Variants in ARPC1B observed in about 807,000 individuals in gnomAD.
The protein encoded by ARPC1B is actin-related protein 2/3 complex subunit 1B.
ARPC1B carries 29 observed loss-of-function variants against 46.0 expected under a neutral mutation model. The ratio of observed to expected loss-of-function variants is 0.63; its 90% CI spans 0.47 to 0.86. The LOEUF (loss-of-function observed/expected upper bound fraction) is 0.86. ARPC1B is among the 40% of genes least tolerant of loss of function. ARPC1B has a pLI of 0.00. For missense variants in ARPC1B, 469 were observed against 529.4 expected, an observed-to-expected ratio of 0.89 and a Z score of 1.12; for synonymous variants, 201 against 213.9, an observed-to-expected ratio of 0.94 and a Z score of 0.53.
At chr7:99,383,204 G>C (rs1794281726) in intron 1 of ARPC1B, among the ~76,000 whole-genome samples, 1 of 152,038 alleles carries the variant, frequency 6.6e-6, no homozygotes, top group Non-Finnish European at 1.5e-5. Flanking sequence ...GCGTGAGCCT[G>C]TAGTCCCAGC....
At chr7:99,382,599 C>A (rs904028770) in intron 1 of ARPC1B, among the ~76,000 whole-genome samples, 5 of 151,584 alleles carry the variant, frequency 3.3e-5, no homozygotes, top group African/African-American at 1.2e-4. Flanking sequence ...TTCCTGAATA[C>A]CTAAGAATAC....
Position 99,385,702 on chromosome 7 carries a change from G to A in ARPC1B, c.-13G>A, listed in dbSNP as rs557327907. The A allele has an allele frequency of 2.5e-6, 4 of 1,607,002 alleles. No individual in the cohort carries two copies. The highest frequency in any genetic ancestry group is 2.7e-5 in the African/African-American group (2 of 74,986). Reference sequence around the variant, plus strand: ...TTCTCTCTTCCTCTCTCGGGCACAGGAGCCAAGCCGCCATGGCCTACCACA... The same window carrying A: ...TTCTCTCTTCCTCTCTCGGGCACAGAAGCCAAGCCGCCATGGCCTACCACA... On this transcript the variant is annotated splice_region_variant and 5_prime_UTR_variant, in exon 2 of 10. Coordinates refer to ENST00000646101, the MANE Select transcript of ARPC1B (RefSeq NM_005720.4).
intron 1 of ARPC1B, chr7:99,376,535 C>T (rs570483090): frequency 3.0e-4 from 45 of 152,316 alleles, no homozygotes; most frequent in African/African-American, 1.1e-3. Flanking sequence ...CAAATCGTTG[C>T]TTTTGTCTGA....
intron 5 of ARPC1B, 36 bp downstream of exon 5, chr7:99,390,048 C>T (rs748658823): frequency 3.6e-5 from 56 of 1,557,838 alleles, no homozygotes; most frequent in Non-Finnish European, 4.0e-5. Context: ...GCGGGGCTGA[C>T]GTCAACTGAC....
rs560134246 is a variant in ARPC1B, at chr7:99,386,870, C to T, written c.169+81C>T. ...TGGTGCAAGGCAGGGCATGGCCACT[C>T]ATTGTGGAGCATCTGCCCACTCACC... On this transcript the variant is annotated intron_variant, in intron 3 of 9. Coordinates refer to ENST00000646101, the MANE Select transcript of ARPC1B (RefSeq NM_005720.4). The T allele has an allele frequency of 3.2e-5, 32 of 1,008,422 alleles. No individual in the cohort carries two copies. The African/African-American group carries it at 4.2e-4, about 13-fold the overall frequency. 62.5% of individuals were successfully genotyped at this position (1,008,422 alleles called of 1,614,324 possible).
chr7:99,377,629 CTTCTTT>C (rs1292833912), intron 1 of ARPC1B, among the ~76,000 whole-genome samples: 7 of 148,216 alleles, frequency 4.7e-5, no homozygotes, highest in Admixed American at 2.1e-4. Flanking sequence ...TCTTCTTCTT[CTTCTTT>C]TTTTTTTTTA....
chr7:99,378,296 C>T (rs1794090312), intron 1 of ARPC1B, among the ~76,000 whole-genome samples: 1 of 151,450 alleles, frequency 6.6e-6, no homozygotes, highest in African/African-American at 2.4e-5. Flanking sequence ...GGTCTCCGAA[C>T]TCCTGGACTC....
intron 9 of ARPC1B, 42 bp downstream of exon 9, chr7:99,394,161 T>C: frequency 6.3e-7 from 1 of 1,597,116 alleles, no homozygotes; most frequent in Non-Finnish European, 8.6e-7. Context: ...GCCTCCCAGG[T>C]CAACCCTTTC....
chr7:99,392,999 G>T, intron 8 of ARPC1B, 123 bp downstream of exon 8: 2 of 1,054,768 alleles, frequency 1.9e-6, no homozygotes, highest in Non-Finnish European at 2.6e-6. Context: ...GAGGACTGGG[G>T]ACCCGGAGGG....
At position 99,388,189 on chromosome 7, in the gene ARPC1B, A is replaced by C; in HGVS notation, c.320A>C (p.Asn107Thr). 1 of 1,614,222 alleles carries C rather than the reference A, an allele frequency of 6.2e-7. No individual in the cohort carries two copies. Among genetic ancestry groups the C allele is most frequent in the Non-Finnish European group, 8.5e-7 (1 of 1,180,020 alleles). Residue 107 changes from asparagine to threonine, a missense_variant, in exon 4 of 10, where the codon AAC becomes ACC. Physicochemically the swap from Asn to Thr is moderately conservative, Grantham distance 65. Coordinates refer to ENST00000646101, the MANE Select transcript of ARPC1B (RefSeq NM_005720.4). ...GCCCGCTGCGTGCGCTGGGCCCCCAACGAGAACAAGTTTGCTGTGGGCAGC... is the reference window on the plus strand; with the variant it reads ...GCCCGCTGCGTGCGCTGGGCCCCCACCGAGAACAAGTTTGCTGTGGGCAGC... ...RAARCVRWAP[N>T]ENKFAVGSGS...
chr7:99,379,421 G>A (rs1178135594), intron 1 of ARPC1B, among the ~76,000 whole-genome samples: 2 of 152,148 alleles, frequency 1.3e-5, no homozygotes, highest in Non-Finnish European at 2.9e-5. Context: ...GTGCAAATTA[G>A]CCTGCTGGCT....
chr7:99,391,121 G>A, intron 6 of ARPC1B, 22 bp downstream of exon 6: 1 of 1,612,620 alleles, frequency 6.2e-7, no homozygotes, highest in Non-Finnish European at 8.5e-7. Flanking sequence ...CCATCCCCAG[G>A]GGAGGAGGTG....
At chr7:99,391,609 G>T (rs1438296717) in intron 7 of ARPC1B, among the ~76,000 whole-genome samples, 1 of 152,124 alleles carries the variant, frequency 6.6e-6, no homozygotes, top group Non-Finnish European at 1.5e-5. Context: ...TTAGCTGGGT[G>T]TGGTGGTGCA....
intron 1 of ARPC1B, among the ~76,000 whole-genome samples, chr7:99,377,610 GCTT>G (rs34058988): frequency 0.024 from 3,657 of 150,320 alleles, 58 homozygotes; most frequent in Middle Eastern, 0.042. Flanking sequence ...ACCGCGCCCA[GCTT>G]CTTCTTCTTC....
intron 1 of ARPC1B, among the ~76,000 whole-genome samples, chr7:99,376,924 G>T (rs540269894): frequency 6.6e-6 from 1 of 151,768 alleles, no homozygotes; most frequent in East Asian, 1.9e-4. Flanking sequence ...TTCAGGGGGA[G>T]AATGGTGAAA....
At chr7:99,387,987 C>T in intron 3 of ARPC1B, 52 bp from the exon 4 acceptor site, 1 of 1,262,948 alleles carries the variant, frequency 7.9e-7, no homozygotes, top group Non-Finnish European at 1.1e-6. Context: ...ACCATACAGC[C>T]ACCTCTGCCT....
rs374195431 is a variant in ARPC1B at position 99,394,080 on chromosome 7, C to T, written c.1041C>T (p.Thr347=). ...GGKAKCSQFC[T]TGMDGGMSIW... ...AGGCCAAGTGCTCGCAGTTCTGCAC[C>T]ACTGGCATGGATGGCGGCATGAGTA... is the stretch of plus-strand genomic sequence containing the variant. The change falls in exon 9 of 10, where the codon ACC becomes ACT. Residue 347 remains threonine (T), a synonymous_variant. Coordinates refer to ENST00000646101, the MANE Select transcript of ARPC1B (RefSeq NM_005720.4). The T allele has an allele frequency of 2.5e-6, 4 of 1,613,578 alleles. No homozygotes were observed. The highest frequency in any genetic ancestry group is 2.7e-5 in the African/African-American group (2 of 74,944).
chr7:99,393,907 C>A, intron 8 of ARPC1B, 122 bp from the exon 9 acceptor site: 1 of 930,890 alleles, frequency 1.1e-6, no homozygotes, highest in South Asian at 1.3e-5. Context: ...CCCACTACAC[C>A]CCCTCGGTAC....
intron 7 of ARPC1B, among the ~76,000 whole-genome samples, chr7:99,391,553 C>T (rs954318797): frequency 3.3e-5 from 5 of 151,740 alleles, no homozygotes; most frequent in South Asian, 2.1e-4. Context: ...GAGACCAGCC[C>T]GGGCAACACA....
Sources: allele counts gnomAD v4.1 joint callset (sites outside exome capture counted in the v4.1 genomes callset), GRCh38; gene constraint gnomAD v4.1.1; transcripts MANE v1.5; gene names NCBI Gene and HGNC (gene_info 2026-07-23, HGNC 2026-07-21).